The following CAMSAP2 variants were observed in gnomAD, a reference collection of about 807,000 sequenced individuals.
The protein encoded by CAMSAP2 is calmodulin regulated spectrin associated protein family member 2.
A neutral mutation model predicts 146.1 loss-of-function variants in CAMSAP2; 26 were observed. That is an observed-to-expected ratio of 0.18 (90% CI 0.13 to 0.25). The LOEUF (loss-of-function observed/expected upper bound fraction) is 0.25. CAMSAP2 is among the 10% of genes least tolerant of loss of function. CAMSAP2 has a pLI of 1.00. For synonymous variants in CAMSAP2, 499 were observed against 596.6 expected (o/e 0.84, Z 2.38); for missense variants, 1,381 against 1,759.3 (o/e 0.78, Z 3.85).
At chr1:200,741,139 G>A (rs1276862750) in intron 1 of CAMSAP2, among the ~76,000 whole-genome samples, 1 of 152,178 alleles carries the variant, frequency 6.6e-6, no homozygotes, top group Non-Finnish European at 1.5e-5. Context: ...TTAAATAGCA[G>A]ATTAATCTCA....
intron 2 of CAMSAP2, among the ~76,000 whole-genome samples, chr1:200,768,513 T>C (rs1665022097): frequency 6.6e-6 from 1 of 152,128 alleles, no homozygotes; most frequent in Non-Finnish European, 1.5e-5. Flanking sequence ...AGAGAGGGTA[T>C]CATCAGATTT....
rs545640452 is a variant in CAMSAP2 at position 200,753,483 on chromosome 1, T to C, written c.140-7356T>C. Among the ~76,000 whole-genome samples the C allele has an allele frequency of 9.9e-5, 15 of 152,160 alleles. 1 individual carries two copies. In the South Asian group the frequency reaches 2.9e-3, roughly 30 times the overall value. ...TGTGTTCCTCTTTACTCTGGAGTGC[T>C]GGGCCCTGGTTTAGCAGATGTCCCC... On this transcript the variant is annotated intron_variant, in intron 1 of 16. Coordinates refer to ENST00000358823, the MANE Select transcript of CAMSAP2 (RefSeq NM_203459.4).
chr1:200,811,670 A>G (rs1666335072), intron 3 of CAMSAP2, among the ~76,000 whole-genome samples: 1 of 152,214 alleles, frequency 6.6e-6, no homozygotes, highest in African/African-American at 2.4e-5. Context: ...GATGCATGCT[A>G]TTCCACTATT....
intron 2 of CAMSAP2, among the ~76,000 whole-genome samples, chr1:200,799,865 A>G (rs951826703): frequency 6.6e-6 from 1 of 152,170 alleles, no homozygotes; most frequent in Non-Finnish European, 1.5e-5. Context: ...AGATTCTAGT[A>G]CATGTGTCTT....
chr1:200,853,325 G>C lies in CAMSAP2; in HGVS notation c.3653G>C (p.Arg1218Thr). ...AAGAAAGAAGATGAGAGAGCACGCA[G>C]AGAATTTATTAGGCAAGAATATATG... ...RQKKEDERAR[R>T]EFIRQEYMRR... Residue 1218 changes from arginine (R) to threonine (T), a missense_variant, in exon 13 of 17, where the codon AGA becomes ACA. Around this residue, in one of 4 missense-constraint regions of CAMSAP2, gnomAD observed 560 missense variants for 715.9 expected, o/e 0.78. Coordinates refer to ENST00000358823, the MANE Select transcript of CAMSAP2 (RefSeq NM_203459.4). The surrounding 1 kb of genome is among the most constrained non-coding windows in gnomAD (Gnocchi z 5.1). The C allele has an allele frequency of 6.2e-7, 1 of 1,613,754 alleles. No individual in the cohort carries two copies. The highest frequency in any genetic ancestry group is 8.5e-7 in the Non-Finnish European group (1 of 1,179,906).
intron 1 of CAMSAP2, among the ~76,000 whole-genome samples, chr1:200,749,220 G>A (rs1414164905): frequency 6.6e-6 from 1 of 152,192 alleles, no homozygotes; most frequent in Non-Finnish European, 1.5e-5. Flanking sequence ...CCAGAGCTGA[G>A]GTTTGAACAA....
intron 2 of CAMSAP2, among the ~76,000 whole-genome samples, chr1:200,797,908 G>T (rs1383952636): frequency 6.6e-6 from 1 of 151,264 alleles, no homozygotes; most frequent in Admixed American, 6.6e-5. Flanking sequence ...AGTTTTCCCA[G>T]CACCATTTAT....
intron 2 of CAMSAP2, among the ~76,000 whole-genome samples, chr1:200,796,184 A>G (rs991619359): frequency 2.6e-5 from 4 of 152,146 alleles, no homozygotes; most frequent in South Asian, 2.1e-4. Flanking sequence ...TAACAGCAGT[A>G]CGTCTGGAAC....
At chr1:200,756,687 G>A (rs1264934859) in intron 1 of CAMSAP2, among the ~76,000 whole-genome samples, 1 of 152,112 alleles carries the variant, frequency 6.6e-6, no homozygotes, top group Admixed American at 6.6e-5. Flanking sequence ...GCGTGTACAA[G>A]GAGTAAATAA....
At chr1:200,765,252 T>C (rs1184819001) in intron 2 of CAMSAP2, among the ~76,000 whole-genome samples, 1 of 152,138 alleles carries the variant, frequency 6.6e-6, no homozygotes, top group Non-Finnish European at 1.5e-5. Context: ...TTTTCGAGAC[T>C]GAATTTTGCT....
chr1:200,775,098 G>T (rs535301514), intron 2 of CAMSAP2, among the ~76,000 whole-genome samples: 49 of 152,312 alleles, frequency 3.2e-4, no homozygotes, highest in African/African-American at 1.2e-3. Context: ...AGTGGAACAG[G>T]CTCTTTTCAT....
chr1:200,816,928 ACACACGCGTGTG>A (rs1666558444), intron 4 of CAMSAP2, among the ~76,000 whole-genome samples: 2 of 81,690 alleles, frequency 2.4e-5, no homozygotes, highest in African/African-American at 1.1e-4. Flanking sequence ...GTGTGTACAC[ACACACGCGTGTG>A]TATGTGTGTA....
chr1:200,807,643 C>A, intron 3 of CAMSAP2, 106 bp downstream of exon 3: 14 of 749,936 alleles, frequency 1.9e-5, no homozygotes, highest in East Asian at 3.6e-5. Flanking sequence ...AATCAAAGTG[C>A]AAACTTAAGT....
chr1:200,841,432 G>C (rs1667321013), intron 6 of CAMSAP2, among the ~76,000 whole-genome samples: 1 of 152,144 alleles, frequency 6.6e-6, no homozygotes, highest in African/African-American at 2.4e-5. Flanking sequence ...ATCTTTAGTA[G>C]AGACGGGGTT....
At chr1:200,749,243 A>G (rs1471661786) in intron 1 of CAMSAP2, among the ~76,000 whole-genome samples, 1 of 152,212 alleles carries the variant, frequency 6.6e-6, no homozygotes, top group Non-Finnish European at 1.5e-5. Context: ...AGGCCCACAC[A>G]GACATAGGCC....
At position 200,739,611 on chromosome 1, in the gene CAMSAP2, A is replaced by T. The variant is rs1466566508; in HGVS notation, c.-217A>T. On this transcript the variant is annotated 5_prime_UTR_variant, in exon 1 of 17. An upstream start codon of the reference 5' UTR is lost. Transcript: ENST00000358823. This position sits in a 1 kb window ranked among gnomAD's most constrained non-coding sequence, Gnocchi z 4.8. ...ACGGAGACGGCGCCGCCACATTCCT[A>T]TGCCCGGGAGCGGCGGCGGCGGCGG... The T allele has an allele frequency of 7.0e-6, 2 of 285,928 alleles. No individual in the cohort carries two copies. Among genetic ancestry groups the T allele is most frequent in the African/African-American group, 2.3e-5 (1 of 43,356 alleles). The allele number at this position is 285,928 out of a possible 1,614,324, so 17.7% of individuals were successfully genotyped here. A position where few individuals can be genotyped will look rare whatever the true frequency, so the allele number is the denominator to read the frequency against.
intron 2 of CAMSAP2, among the ~76,000 whole-genome samples, chr1:200,806,340 A>C (rs983226570): frequency 5.9e-5 from 9 of 152,214 alleles, no homozygotes; most frequent in African/African-American, 2.2e-4. Flanking sequence ...TTCAGTGATA[A>C]TCAGGATTGT....
At chr1:200,751,187 G>A (rs1231944156) in intron 1 of CAMSAP2, among the ~76,000 whole-genome samples, 1 of 151,786 alleles carries the variant, frequency 6.6e-6, no homozygotes, top group Non-Finnish European at 1.5e-5. Context: ...ATAGGCATGA[G>A]CCGCCATACC....
intron 2 of CAMSAP2, among the ~76,000 whole-genome samples, chr1:200,797,865 G>A (rs1247564110): frequency 3.4e-5 from 5 of 146,288 alleles, no homozygotes; most frequent in African/African-American, 1.3e-4. Context: ...GTAAGGAAGG[G>A]ATCCAGTTTC....
Sources: allele counts gnomAD v4.1 joint callset (sites outside exome capture counted in the v4.1 genomes callset), GRCh38; gene constraint gnomAD v4.1.1; regional missense constraint gnomAD v4.1.1; non-coding constraint Gnocchi (gnomAD v3.1); transcripts MANE v1.5; gene names NCBI Gene and HGNC (gene_info 2026-07-23, HGNC 2026-07-21).